The following ZNF695 variants were observed in gnomAD, a reference collection of about 807,000 sequenced individuals.
ZNF695 encodes zinc finger protein 695, also known as zinc finger protein SBZF3.
ZNF695 carries 11 observed loss-of-function variants against 11.2 expected under a neutral mutation model. The ratio of observed to expected loss-of-function variants is 0.98; its 90% CI spans 0.62 to 1.62. ZNF695 has a LOEUF of 1.62. Among genes scored for constraint, ZNF695 ranks in the 40% most tolerant of loss-of-function variants. ZNF695 has a pLI of 0.00. For synonymous variants in ZNF695, 190 were observed against 201.4 expected (o/e 0.94, Z 0.48); for missense variants, 559 against 590.5 (o/e 0.95, Z 0.55).
At position 246,977,131 on chromosome 1, in the gene ZNF695, C is replaced by T. The variant is rs561619836; in HGVS notation, c.391-9339G>A. Reference sequence around the variant, plus strand: ...CAAGCCCCAGATATAAATGTAAGAGCGTTGTGCCAGCTAACAAAAACTTTC... The same window carrying T: ...CAAGCCCCAGATATAAATGTAAGAGTGTTGTGCCAGCTAACAAAAACTTTC... On this transcript the variant is annotated intron_variant, in intron 4 of 5. Transcript: ENST00000487338. Among the ~76,000 whole-genome samples, 27 of 152,282 alleles carry T rather than the reference C, an allele frequency of 1.8e-4. No individual in the cohort carries two copies. In the East Asian group the frequency reaches 3.5e-3, roughly 20 times the overall value.
At chr1:246,989,379 C>T (rs541075779) in intron 3 of ZNF695, among the ~76,000 whole-genome samples, 15 of 152,208 alleles carry the variant, frequency 9.9e-5, no homozygotes, top group South Asian at 8.3e-4. Flanking sequence ...TAAGCTAAGG[C>T]GTAGAGTTTT....
At chr1:246,970,700 T>C (rs1668402461) in intron 4 of ZNF695, among the ~76,000 whole-genome samples, 1 of 152,270 alleles carries the variant, frequency 6.6e-6, no homozygotes, top group East Asian at 1.9e-4. Flanking sequence ...AGAGCCCTTG[T>C]TGAAGACTTA....
intron 4 of ZNF695, among the ~76,000 whole-genome samples, chr1:246,976,527 G>A (rs185098282): frequency 2.8e-4 from 42 of 152,162 alleles, no homozygotes; most frequent in African/African-American, 9.9e-4. Context: ...GGGCGCGGTG[G>A]CTCACACCTG....
At chr1:247,000,145 A>G in intron 1 of ZNF695, 71 bp from the exon 2 acceptor site, 5 of 1,353,728 alleles carry the variant, frequency 3.7e-6, no homozygotes, top group Non-Finnish European at 4.0e-6. Flanking sequence ...AAGGAGAGAC[A>G]GTGAAGAGAA....
rs79266860 is a variant in ZNF695, at chr1:246,974,741, A to T, written c.391-6949T>A. Among the ~76,000 whole-genome samples the T allele has an allele frequency of 4.7e-3, 718 of 152,362 alleles. 4 individuals are homozygous for T. The highest frequency in any genetic ancestry group is 0.016 in the African/African-American group (655 of 41,580). On this transcript the variant is annotated intron_variant, in intron 4 of 5. Transcript: ENST00000487338. ...AGCAGGTACATGAGGACTCTGAGGTAGAAATAAGCTTGGTAAGTTGACATT... is the reference window on the plus strand; with the variant it reads ...AGCAGGTACATGAGGACTCTGAGGTTGAAATAAGCTTGGTAAGTTGACATT...
chr1:247,002,979 G>A (rs1221073667), intron 1 of ZNF695, among the ~76,000 whole-genome samples: 1 of 152,168 alleles, frequency 6.6e-6, no homozygotes, highest in Non-Finnish European at 1.5e-5. Flanking sequence ...AGATGCCAAC[G>A]AGGTTGCAGA....
chr1:246,984,904 T>C (rs1258883524), downstream of ZNF695, among the ~76,000 whole-genome samples: 1 of 152,212 alleles, frequency 6.6e-6, no homozygotes. Flanking sequence ...AAGAAAATTA[T>C]ACGTTAGCTC....
chr1:246,975,037 C>T (rs115578890), intron 4 of ZNF695, among the ~76,000 whole-genome samples: 6 of 152,264 alleles, frequency 3.9e-5, no homozygotes, highest in African/African-American at 1.4e-4. Flanking sequence ...ACTCACTGTA[C>T]CATTATTCAT....
intron 1 of ZNF695, among the ~76,000 whole-genome samples, chr1:247,005,356 G>A (rs1227550660): frequency 6.6e-6 from 1 of 152,182 alleles, no homozygotes; most frequent in Non-Finnish European, 1.5e-5. Flanking sequence ...CTCTCAATAA[G>A]TTGTGCTGGG....
chr1:246,997,553 A>ATGTG lies in ZNF695; in HGVS notation c.259+1791_259+1794dup, dbSNP rs1020710400. ...CTACCATACAAGACAGCAATCTCAC[A>ATGTG]TGTGTGTGTGTGTGTAAAATCAATA... On this transcript the variant is annotated intron_variant, in intron 3 of 3. Transcript: ENST00000339986. 6.1e-5 allele frequency among the ~76,000 whole-genome samples: 9 copies of ATGTG among 146,422 alleles called. No homozygotes were observed. In the South Asian group the frequency reaches 1.0e-3, roughly 17 times the overall value.
intron 5 of ZNF695, among the ~76,000 whole-genome samples, chr1:246,946,559 G>A (rs760243437): frequency 1.3e-5 from 2 of 152,236 alleles, no homozygotes; most frequent in African/African-American, 2.4e-5. Flanking sequence ...GCAGCCAGGC[G>A]GGCCCTCTCC....
At chr1:246,958,733 G>A (rs1357211071) in intron 5 of ZNF695, among the ~76,000 whole-genome samples, 1 of 152,100 alleles carries the variant, frequency 6.6e-6, no homozygotes, top group Non-Finnish European at 1.5e-5. Context: ...CCATGGAAAC[G>A]GTGCGAGATA....
At chr1:246,990,772 A>G (rs769494000) in intron 3 of ZNF695, among the ~76,000 whole-genome samples, 1 of 152,220 alleles carries the variant, frequency 6.6e-6, no homozygotes, top group Non-Finnish European at 1.5e-5. Flanking sequence ...ATTTTCTGTG[A>G]CCTCAATGGA....
In ZNF695 at chr1:246,986,858, T is replaced by G; in HGVS notation, c.*109A>C. 1 of 1,455,074 alleles carries G rather than the reference T, an allele frequency of 6.9e-7. No individual in the cohort carries two copies. The allele number at this position is 1,455,074 out of a possible 1,614,324, so 90.1% of individuals were successfully genotyped here. A position where few individuals can be genotyped will look rare whatever the true frequency, so the allele number is the denominator to read the frequency against. ...GGCTCATAGACTGTAAATGGCCTTTTGACAGTCATTACATTTGTAACACTC... is the reference window on the plus strand; with the variant it reads ...GGCTCATAGACTGTAAATGGCCTTTGGACAGTCATTACATTTGTAACACTC... On this transcript the variant is annotated 3_prime_UTR_variant, in exon 4 of 4. Transcript: ENST00000339986.
At chr1:246,991,005 G>C (rs549286737) in intron 3 of ZNF695, among the ~76,000 whole-genome samples, 2 of 152,040 alleles carry the variant, frequency 1.3e-5, no homozygotes, top group South Asian at 2.1e-4. Context: ...TCAAAAAAGA[G>C]GGAAAACTTC....
intron 1 of ZNF695, among the ~76,000 whole-genome samples, chr1:247,006,975 T>C (rs1238393295): frequency 6.6e-6 from 1 of 152,172 alleles, no homozygotes; most frequent in Non-Finnish European, 1.5e-5. Flanking sequence ...AACCACTAAA[T>C]GCTAATAAAT....
intron 2 of ZNF695, 55 bp downstream of exon 2, chr1:246,999,857 G>T: frequency 6.4e-7 from 1 of 1,558,768 alleles, no homozygotes. Flanking sequence ...ACTCATTCAT[G>T]CAAATCAGAA....
chr1:247,000,156 C>G lies in ZNF695; in HGVS notation c.4-82G>C, dbSNP rs118095762. On this transcript the variant is annotated intron_variant, in intron 1 of 3. Transcript: ENST00000339986. Reference sequence around the variant, plus strand: ...AGGCAAGGAGAGACAGTGAAGAGAACTGGCTCTGACTTATATGAGTGACTA... The same window carrying G: ...AGGCAAGGAGAGACAGTGAAGAGAAGTGGCTCTGACTTATATGAGTGACTA... 454 of 1,170,440 alleles carry G rather than the reference C, an allele frequency of 3.9e-4. 1 individual carries two copies. The East Asian group carries it at 8.5e-3, about 22-fold the overall frequency. The allele number at this position is 1,170,440 out of a possible 1,614,324, so 72.5% of individuals were successfully genotyped here. A position where few individuals can be genotyped will look rare whatever the true frequency, so the allele number is the denominator to read the frequency against.
Position 246,985,940 on chromosome 1 carries a change from C to T in ZNF695, c.*1027G>A. 1.0e-6 allele frequency: 1 copy of T among 985,436 alleles called. No homozygotes were observed. The highest frequency in any genetic ancestry group is 1.2e-6 in the Non-Finnish European group (1 of 829,932). 61.0% of individuals were successfully genotyped at this position (985,436 alleles called of 1,614,324 possible). ...ACAGCTTTCATGTAGCAACAGTAGGCCTCATGCCTTCACATAAACACTAGA... is the reference window on the plus strand; with the variant it reads ...ACAGCTTTCATGTAGCAACAGTAGGTCTCATGCCTTCACATAAACACTAGA... On this transcript the variant is annotated 3_prime_UTR_variant, in exon 4 of 4. Coordinates refer to ENST00000339986, the MANE Select transcript of ZNF695 (RefSeq NM_020394.5).
Sources: gnomAD v4.1 joint callset for allele counts (sites outside exome capture counted in the v4.1 genomes callset) on GRCh38, gnomAD v4.1.1 for gene constraint, MANE v1.5 for transcripts, NCBI Gene and HGNC (gene_info 2026-07-23, HGNC 2026-07-21) for gene names.